FBXL17: variants seen among roughly 807,000 people sequenced by gnomAD.
FBXL17 encodes F-box/LRR-repeat protein 17.
FBXL17 carries 22 observed loss-of-function variants against 66.2 expected under a neutral mutation model. The observed-to-expected ratio is 0.33, with a 90% CI of 0.24 to 0.47. The LOEUF is 0.47. FBXL17 is among the 20% of genes least tolerant of loss of function. FBXL17 has a pLI of 1.00. For synonymous variants in FBXL17, 474 were observed against 400.5 expected (o/e 1.18, Z -2.19); for missense variants, 878 against 948.2 (o/e 0.93, Z 0.97).
chr5:108,330,533 A>C (rs149783739), intron 4 of FBXL17, among the ~76,000 whole-genome samples: 34 of 152,310 alleles, frequency 2.2e-4, no homozygotes, highest in African/African-American at 6.0e-4. Context: ...CAATCTCACC[A>C]AGATATATTT....
intron 4 of FBXL17, among the ~76,000 whole-genome samples, chr5:108,311,820 T>G (rs2150199997): frequency 6.6e-6 from 1 of 152,312 alleles, no homozygotes; most frequent in South Asian, 2.1e-4. Context: ...ACAAACGGCT[T>G]ATAATGAACC....
chr5:107,958,612 C>T (rs1222436828), intron 7 of FBXL17, among the ~76,000 whole-genome samples: 3 of 152,174 alleles, frequency 2.0e-5, no homozygotes, highest in South Asian at 2.1e-4. Context: ...CTCTGTCCTG[C>T]GGCCTCACTT....
chr5:108,060,765 C>T (rs1401596675), intron 6 of FBXL17, among the ~76,000 whole-genome samples: 1 of 152,026 alleles, frequency 6.6e-6, no homozygotes. Context: ...TCAGTGTAAA[C>T]CAAACTTCCC....
chr5:108,136,616 C>G (rs1198251943), intron 6 of FBXL17, among the ~76,000 whole-genome samples: 2 of 151,922 alleles, frequency 1.3e-5, no homozygotes. Flanking sequence ...CTCCTTACAC[C>G]AAAAAAGATA....
chr5:108,293,282 A>G (rs559235625), intron 4 of FBXL17, among the ~76,000 whole-genome samples: 2 of 152,294 alleles, frequency 1.3e-5, no homozygotes, highest in East Asian at 3.9e-4. Context: ...GTTATTTTAG[A>G]AAATTGAAAT....
At chr5:108,040,618 A>G (rs1747009365) in intron 6 of FBXL17, among the ~76,000 whole-genome samples, 1 of 152,224 alleles carries the variant, frequency 6.6e-6, no homozygotes, top group South Asian at 2.1e-4. Context: ...TTTAAAAGAA[A>G]GTCAAAAGCA....
chr5:108,055,379 C>T (rs1401940276), intron 6 of FBXL17, among the ~76,000 whole-genome samples: 5 of 145,084 alleles, frequency 3.4e-5, no homozygotes, highest in African/African-American at 5.1e-5. Flanking sequence ...GAGGCCGAGG[C>T]GGGCGGATCA....
chr5:107,885,578 C>G (rs183892677), intron 7 of FBXL17, among the ~76,000 whole-genome samples: 51 of 152,204 alleles, frequency 3.4e-4, no homozygotes, highest in African/African-American at 1.2e-3. Context: ...TACTATGCCA[C>G]TCTAAAAATA....
intron 7 of FBXL17, among the ~76,000 whole-genome samples, chr5:107,977,377 C>T (rs936329623): frequency 6.6e-6 from 1 of 152,154 alleles, no homozygotes; most frequent in Admixed American, 6.5e-5. Context: ...AGGAACTTTA[C>T]ATTTATTATT....
At chr5:108,106,016 G>T (rs1749781690) in intron 6 of FBXL17, among the ~76,000 whole-genome samples, 1 of 152,092 alleles carries the variant, frequency 6.6e-6, no homozygotes, top group Admixed American at 6.5e-5. Flanking sequence ...ATTTTAAATA[G>T]GGGGAAACTG....
chr5:108,099,481 A>G (rs1303942040), intron 6 of FBXL17, among the ~76,000 whole-genome samples: 1 of 152,204 alleles, frequency 6.6e-6, no homozygotes, highest in Non-Finnish European at 1.5e-5. Context: ...ATTTATAGAC[A>G]AAAGATTAGA....
At chr5:108,188,465 T>C (rs760710075) in intron 5 of FBXL17, among the ~76,000 whole-genome samples, 1 of 152,174 alleles carries the variant, frequency 6.6e-6, no homozygotes, top group Non-Finnish European at 1.5e-5. Flanking sequence ...TCCAGTCTAG[T>C]ATGGGACTCA....
In FBXL17 at chr5:108,380,805, C is replaced by T; in HGVS notation, c.887G>A (p.Gly296Asp). Reference sequence around the variant, plus strand: ...GGGGGACTCCCGACAGTCCGCGTCGCCACATTCATGCTGCTGCTGGGCGGA... The same window carrying T: ...GGGGGACTCCCGACAGTCCGCGTCGTCACATTCATGCTGCTGCTGGGCGGA... ...PLSAQQQHECGDADCRESPEN... is the reference protein window; with the variant it reads ...PLSAQQQHECDDADCRESPEN... The change falls in exon 1 of 9, where the codon GGC (glycine) becomes GAC (aspartate). Residue 296 changes from glycine (G) to aspartate (D), a missense_variant. Coordinates refer to ENST00000542267, the MANE Select transcript of FBXL17 (RefSeq NM_001163315.3). 1.6e-6 allele frequency: 2 copies of T among 1,248,224 alleles called. No individual in the cohort carries two copies. Among genetic ancestry groups the T allele is most frequent in the Non-Finnish European group, 2.0e-6 (2 of 988,166 alleles). The allele number at this position is 1,248,224 out of a possible 1,614,324, so 77.3% of individuals were successfully genotyped here. A position where few individuals can be genotyped will look rare whatever the true frequency, so the allele number is the denominator to read the frequency against.
rs551706323 is a variant in FBXL17 at position 108,233,205 on chromosome 5, T to C, written c.1507-8977A>G. ...TGTTTTTTTTGCACTCTGTGCCTTA[T>C]CTTTAATTTTCTTAATGGTGTTCTT... On this transcript the variant is annotated intron_variant, in intron 4 of 8. Transcript: ENST00000542267. Among the ~76,000 whole-genome samples the C allele has an allele frequency of 3.9e-5, 6 of 152,236 alleles. No homozygotes were observed. In the South Asian group the frequency reaches 1.2e-3, roughly 32 times the overall value.
chr5:107,992,437 G>T (rs762202905), intron 7 of FBXL17, among the ~76,000 whole-genome samples: 14 of 152,008 alleles, frequency 9.2e-5, no homozygotes, highest in Non-Finnish European at 1.5e-4. Context: ...TGTTGGCCTT[G>T]AAAAAGTCAT....
chr5:107,985,332 A>G (rs1485446925), intron 7 of FBXL17, among the ~76,000 whole-genome samples: 2 of 152,244 alleles, frequency 1.3e-5, no homozygotes, highest in Admixed American at 6.5e-5. Context: ...AAGGATGATT[A>G]GTCCTTGTAC....
intron 6 of FBXL17, among the ~76,000 whole-genome samples, chr5:108,061,785 G>A (rs1216383660): frequency 2.0e-5 from 3 of 151,548 alleles, no homozygotes; most frequent in Middle Eastern, 3.4e-3. Flanking sequence ...ATTTTCACAG[G>A]TATATATATT....
At chr5:107,959,099 A>G (rs989987345) in intron 7 of FBXL17, among the ~76,000 whole-genome samples, 15 of 152,080 alleles carry the variant, frequency 9.9e-5, no homozygotes, top group African/African-American at 3.6e-4. Flanking sequence ...ACCACACGCC[A>G]TGATATTTCT....
At chr5:108,044,180 A>C (rs2112809129) in intron 6 of FBXL17, among the ~76,000 whole-genome samples, 1 of 152,234 alleles carries the variant, frequency 6.6e-6, no homozygotes, top group Middle Eastern at 3.4e-3. Flanking sequence ...TTATTACTTT[A>C]TCTGGCCAAC....
Sources: gnomAD v4.1 joint callset for allele counts (sites outside exome capture counted in the v4.1 genomes callset) on GRCh38, gnomAD v4.1.1 for gene constraint, MANE v1.5 for transcripts, NCBI Gene and HGNC (gene_info 2026-07-23, HGNC 2026-07-21) for gene names.